Variants in LHFPL6 observed in about 807,000 individuals in gnomAD.
LHFPL6 encodes LHFPL tetraspan subfamily member 6.
LHFPL6 carries 9 observed loss-of-function variants against 20.6 expected under a neutral mutation model. The observed-to-expected ratio is 0.44, with a 90% CI of 0.26 to 0.76. LHFPL6 has a LOEUF of 0.76. Ranked by LOEUF, LHFPL6 falls within the 30% of genes least tolerant of loss-of-function variation. The probability of loss-of-function intolerance (pLI) is 0.20; values close to 1 mark genes in which losing one functional copy is unlikely to be tolerated. For missense variants in LHFPL6, 218 were observed against 253.5 expected, an observed-to-expected ratio of 0.86 and a Z score of 0.95; for synonymous variants, 105 against 98.7, an observed-to-expected ratio of 1.06 and a Z score of -0.38.
chr13:39,385,034 C>A (rs1870530701), intron 2 of LHFPL6, among the ~76,000 whole-genome samples: 1 of 152,150 alleles, frequency 6.6e-6, no homozygotes, highest in African/African-American at 2.4e-5. Flanking sequence ...TCTATTTCTG[C>A]GACCCCAAGG....
At chr13:39,512,687 C>T (rs7997947) in intron 2 of LHFPL6, among the ~76,000 whole-genome samples, 58,737 of 151,712 alleles carry the variant, frequency 0.39, 13,881 homozygotes, top group African/African-American at 0.68. Flanking sequence ...CTGTTCCCTT[C>T]TTAAATTGTT....
chr13:39,395,157 T>G (rs1413634650), intron 2 of LHFPL6, among the ~76,000 whole-genome samples: 1 of 152,170 alleles, frequency 6.6e-6, no homozygotes, highest in East Asian at 1.9e-4. Flanking sequence ...GAACAGTGTC[T>G]CAGATAAATG....
chr13:39,380,815 C>T (rs1870418501), intron 2 of LHFPL6, among the ~76,000 whole-genome samples: 1 of 151,966 alleles, frequency 6.6e-6, no homozygotes, highest in Non-Finnish European at 1.5e-5. Context: ...CTTGTAGGAG[C>T]ACGAACCCTA....
At chr13:39,349,583 T>C (rs76906012) in intron 3 of LHFPL6, among the ~76,000 whole-genome samples, 1,619 of 152,320 alleles carry the variant, frequency 0.011, 26 homozygotes, top group African/African-American at 0.036. Context: ...AGAAGCTTAT[T>C]GTCTAGTCAA....
chr13:39,582,280 T>G (rs1872311519), intron 2 of LHFPL6, among the ~76,000 whole-genome samples: 1 of 152,212 alleles, frequency 6.6e-6, no homozygotes, highest in Non-Finnish European at 1.5e-5. Flanking sequence ...ATCTTTCATC[T>G]CGCTCTCTTT....
intron 3 of LHFPL6, among the ~76,000 whole-genome samples, chr13:39,376,740 T>A (rs972748080): frequency 6.6e-6 from 1 of 152,216 alleles, no homozygotes; most frequent in African/African-American, 2.4e-5. Flanking sequence ...TTTTTCTTCT[T>A]AAAGTATTTA....
At chr13:39,481,428 C>A (rs1426102521) in intron 2 of LHFPL6, among the ~76,000 whole-genome samples, 7 of 152,046 alleles carry the variant, frequency 4.6e-5, no homozygotes, top group Admixed American at 3.3e-4. Context: ...GAAGAAAGAC[C>A]TTTTCAGATG....
At chr13:39,368,081 T>C (rs2138350839) in intron 3 of LHFPL6, among the ~76,000 whole-genome samples, 1 of 152,282 alleles carries the variant, frequency 6.6e-6, no homozygotes, top group South Asian at 2.1e-4. Flanking sequence ...ACCCCAGCAC[T>C]TTGGGAGGCC....
chr13:39,399,440 G>A (rs1385490068), intron 2 of LHFPL6, among the ~76,000 whole-genome samples: 3 of 152,200 alleles, frequency 2.0e-5, no homozygotes, highest in Non-Finnish European at 4.4e-5. Context: ...GGAGGAAAAT[G>A]ATAAGTAGGA....
At chr13:39,597,178 G>T (rs1375426630) in intron 2 of LHFPL6, among the ~76,000 whole-genome samples, 1 of 152,234 alleles carries the variant, frequency 6.6e-6, no homozygotes, top group African/African-American at 2.4e-5. Context: ...TATGACTAAC[G>T]ATCAAACTAA....
At chr13:39,467,009 C>T (rs1438254402) in intron 2 of LHFPL6, among the ~76,000 whole-genome samples, 1 of 152,186 alleles carries the variant, frequency 6.6e-6, no homozygotes, top group Non-Finnish European at 1.5e-5. Flanking sequence ...TGATAAAACA[C>T]ATGGGTGTGC....
At position 39,395,406 on chromosome 13, in the gene LHFPL6, T is replaced by G. The variant is rs1161291096; in HGVS notation, c.386-16880A>C. Among the ~76,000 whole-genome samples the G allele has an allele frequency of 3.9e-5, 6 of 152,312 alleles. No individual in the cohort carries two copies. The South Asian group carries it at 8.3e-4, about 21-fold the overall frequency. On this transcript the variant is annotated intron_variant, in intron 2 of 3. Transcript: ENST00000379589. ...CTTTTTATGGAGTTATCGTTAGGAC[T>G]TTTCCCCTTGGGCTGCTTTGTGTAC... is the stretch of plus-strand genomic sequence containing the variant.
chr13:39,407,364 A>G (rs1871136391), intron 2 of LHFPL6, among the ~76,000 whole-genome samples: 1 of 152,178 alleles, frequency 6.6e-6, no homozygotes, highest in African/African-American at 2.4e-5. Context: ...GCCATACTGC[A>G]GTTTGAAGTT....
At chr13:39,369,576 T>TTCCTTCCTTCCTTCCTTCCTTCCTTCCC (rs1566095622) in intron 3 of LHFPL6, among the ~76,000 whole-genome samples, 1 of 141,136 alleles carries the variant, frequency 7.1e-6, no homozygotes, top group Non-Finnish European at 1.6e-5. Flanking sequence ...GTTTCCTTCC[T>TTCCTTCCTTCCTTCCTTCCTTCCTTCCC]TCCTTCCTTC....
intron 2 of LHFPL6, among the ~76,000 whole-genome samples, chr13:39,495,152 C>T (rs1869056473): frequency 6.6e-6 from 1 of 152,172 alleles, no homozygotes; most frequent in Non-Finnish European, 1.5e-5. Flanking sequence ...AGATGTGAAC[C>T]AAACAGGGAA....
At chr13:39,574,390 C>G (rs1206742953) in intron 2 of LHFPL6, among the ~76,000 whole-genome samples, 1 of 149,778 alleles carries the variant, frequency 6.7e-6, no homozygotes, top group Non-Finnish European at 1.5e-5. Flanking sequence ...GCTGAGGCAG[C>G]AGAATGGCGT....
chr13:39,510,197 G>A (rs1005770457), intron 2 of LHFPL6, among the ~76,000 whole-genome samples: 7 of 152,008 alleles, frequency 4.6e-5, no homozygotes, highest in East Asian at 1.9e-4. Flanking sequence ...TCACGTGAGA[G>A]TAAAAACTAA....
At chr13:39,565,901 G>A (rs553671294) in intron 2 of LHFPL6, among the ~76,000 whole-genome samples, 2 of 152,308 alleles carry the variant, frequency 1.3e-5, no homozygotes, top group East Asian at 3.9e-4. Flanking sequence ...AGTCACATGA[G>A]AAATAACAAC....
intron 2 of LHFPL6, among the ~76,000 whole-genome samples, chr13:39,550,856 T>G (rs538773367): frequency 2.0e-5 from 3 of 152,146 alleles, no homozygotes; most frequent in African/African-American, 7.2e-5. Flanking sequence ...TTAAAGAGTA[T>G]GTTAGGTTTT....
Sources: gnomAD v4.1 joint callset for allele counts (sites outside exome capture counted in the v4.1 genomes callset) on GRCh38, gnomAD v4.1.1 for gene constraint, MANE v1.5 for transcripts, NCBI Gene and HGNC (gene_info 2026-07-23, HGNC 2026-07-21) for gene names.